Variants in AK9 observed in about 807,000 individuals in gnomAD.
The protein encoded by AK9 is adenylate kinase 9.
A neutral mutation model predicts 239.6 loss-of-function variants in AK9; 191 were observed. The ratio of observed to expected loss-of-function variants is 0.80; its 90% CI spans 0.71 to 0.90. The LOEUF (loss-of-function observed/expected upper bound fraction) is 0.90, where lower values mean the gene tolerates loss of function less well. AK9 is among the 40% of genes least tolerant of loss of function. The pLI is 0.00. For missense variants in AK9, 1,995 were observed against 2,214.7 expected (o/e 0.90, Z 1.99); for synonymous variants, 689 against 721.0 (o/e 0.96, Z 0.71).
At chr6:109,506,869 C>A in intron 33 of AK9, 69 bp from the exon 34 acceptor site, 1 of 1,437,338 alleles carries the variant, frequency 7.0e-7, no homozygotes, top group Non-Finnish European at 9.1e-7. Context: ...TTCTGTCTTC[C>A]AGAACCAGTC....
At chr6:109,519,513 G>C (rs1779615092) in intron 29 of AK9, among the ~76,000 whole-genome samples, 1 of 152,010 alleles carries the variant, frequency 6.6e-6, no homozygotes, top group Admixed American at 6.6e-5. Context: ...AGCCATTCTA[G>C]GTCAGGCATG....
Position 109,633,258 on chromosome 6 carries a change from A to G in AK9, c.999T>C (p.Ser333=). The change falls in exon 11 of 41, where the codon AGT becomes AGC. Residue 333 remains serine (S), a synonymous_variant. Coordinates refer to ENST00000424296, the MANE Select transcript of AK9 (RefSeq NM_001145128.3). The part of the protein sequence containing the change: ...LIAPRYRWQR[S]KWGRTCPVNL... Reference sequence around the variant, plus strand: ...TCACAGGACATGTACGTCCCCATTTACTTCTTTGCCATCTGTATCTTGGTG... The same window carrying G: ...TCACAGGACATGTACGTCCCCATTTGCTTCTTTGCCATCTGTATCTTGGTG... 1 of 1,610,066 alleles carries G rather than the reference A, an allele frequency of 6.2e-7. No homozygotes were observed. Among genetic ancestry groups the G allele is most frequent in the South Asian group, 1.1e-5 (1 of 89,760 alleles).
At chr6:109,646,839 G>A (rs945710484) in intron 8 of AK9, among the ~76,000 whole-genome samples, 1 of 152,214 alleles carries the variant, frequency 6.6e-6, no homozygotes, top group East Asian at 1.9e-4. Flanking sequence ...CAGCCAGAGA[G>A]AAAGGTTGGG....
intron 29 of AK9, 49 bp from the exon 30 acceptor site, chr6:109,516,691 A>G: frequency 7.0e-7 from 1 of 1,422,810 alleles, no homozygotes; most frequent in Non-Finnish European, 9.6e-7. Flanking sequence ...ATATGTAACA[A>G]AAGACACTAT....
intron 27 of AK9, among the ~76,000 whole-genome samples, chr6:109,534,725 T>C (rs573923650): frequency 7.9e-5 from 12 of 152,146 alleles, no homozygotes; most frequent in Non-Finnish European, 1.5e-4. Context: ...TCATTTACAT[T>C]AGGTATATCT....
At chr6:109,532,303 A>G (rs1781379580) in intron 28 of AK9, among the ~76,000 whole-genome samples, 1 of 152,150 alleles carries the variant, frequency 6.6e-6, no homozygotes, top group South Asian at 2.1e-4. Flanking sequence ...TCCTCCTACC[A>G]ATGGTAGTTC....
intron 19 of AK9, among the ~76,000 whole-genome samples, chr6:109,582,443 A>C (rs1788972766): frequency 6.6e-6 from 1 of 152,208 alleles, no homozygotes; most frequent in African/African-American, 2.4e-5. Context: ...TCCAACCCTC[A>C]TGGATTACTT....
intron 17 of AK9, among the ~76,000 whole-genome samples, chr6:109,598,881 A>G (rs1002025603): frequency 6.6e-6 from 1 of 152,148 alleles, no homozygotes; most frequent in African/African-American, 2.4e-5. Context: ...TCGTTTGAGA[A>G]GTGTCTGTTC....
chr6:109,584,356 C>G (rs986670987), intron 19 of AK9, among the ~76,000 whole-genome samples: 1 of 151,928 alleles, frequency 6.6e-6, no homozygotes, highest in Non-Finnish European at 1.5e-5. Context: ...GTGCCATCAT[C>G]AATAGTAGGA....
At chr6:109,616,122 C>A (rs1439265389) in intron 13 of AK9, among the ~76,000 whole-genome samples, 1 of 151,744 alleles carries the variant, frequency 6.6e-6, no homozygotes, top group African/African-American at 2.4e-5. Flanking sequence ...TGCTTACCTA[C>A]ATAATTAGTC....
intron 8 of AK9, among the ~76,000 whole-genome samples, chr6:109,651,218 A>T (rs573832998): frequency 6.6e-6 from 1 of 152,184 alleles, no homozygotes; most frequent in Admixed American, 6.5e-5. Context: ...GTACCCTAAA[A>T]CTTAAAGAAT....
chr6:109,529,299 G>T (rs1193920737), intron 28 of AK9, among the ~76,000 whole-genome samples: 1 of 152,152 alleles, frequency 6.6e-6, no homozygotes, highest in African/African-American at 2.4e-5. Context: ...AGCACTTGGG[G>T]TCAGTTACTC....
intron 24 of AK9, among the ~76,000 whole-genome samples, chr6:109,562,901 T>C (rs1467644452): frequency 1.3e-5 from 2 of 152,082 alleles, no homozygotes; most frequent in Non-Finnish European, 2.9e-5. Flanking sequence ...TGGCAGAGGA[T>C]GGATGATGAA....
intron 24 of AK9, among the ~76,000 whole-genome samples, chr6:109,551,448 G>C (rs929208044): frequency 1.3e-5 from 2 of 151,260 alleles, no homozygotes. Flanking sequence ...GAGTCCGAGA[G>C]GTGGAGGCTG....
intron 21 of AK9, among the ~76,000 whole-genome samples, chr6:109,568,949 G>A (rs1007611800): frequency 6.6e-6 from 1 of 151,918 alleles, no homozygotes; most frequent in African/African-American, 2.4e-5. Context: ...CATATGCAAT[G>A]AAAAAAGAGC....
At chr6:109,538,283 G>T (rs983793187) in intron 27 of AK9, among the ~76,000 whole-genome samples, 1 of 152,134 alleles carries the variant, frequency 6.6e-6, no homozygotes, top group Non-Finnish European at 1.5e-5. Context: ...ATGAATCTGG[G>T]TGCTCCTGTA....
At position 109,509,268 on chromosome 6, in the gene AK9, C is replaced by T. The variant is rs1778434504; in HGVS notation, c.4392G>A (p.Trp1464Ter). 1.3e-6 allele frequency: 2 copies of T among 1,551,918 alleles called. No individual in the cohort carries two copies. Among genetic ancestry groups the T allele is most frequent in the East Asian group, 4.9e-5 (2 of 40,922 alleles). The change falls in exon 33 of 41, where the codon TGG (tryptophan) becomes TGA (stop). Residue 1464 changes from tryptophan to a stop codon, truncating the protein, a stop_gained. Transcript: ENST00000424296. LOFTEE classifies it high-confidence loss of function. ...PETELALMLN[W>*]HLHKGMTAPD... ...GTGCTGTCATTCCTTTATGAAGATG[C>T]CAATTTAACATAAGTGCCAGCTCTG...
At chr6:109,638,367 G>C (rs901440962) in intron 10 of AK9, among the ~76,000 whole-genome samples, 2 of 152,122 alleles carry the variant, frequency 1.3e-5, no homozygotes, top group African/African-American at 4.8e-5. Flanking sequence ...TCCCAGTTAT[G>C]TTGACCCACT....
chr6:109,625,983 T>C (rs1795487083), intron 12 of AK9, among the ~76,000 whole-genome samples: 2 of 152,108 alleles, frequency 1.3e-5, no homozygotes, highest in Non-Finnish European at 1.5e-5. Flanking sequence ...CATTAGACCA[T>C]CTGATTTTCC....
Sources: allele counts gnomAD v4.1 joint callset (sites outside exome capture counted in the v4.1 genomes callset), GRCh38; gene constraint gnomAD v4.1.1; transcripts MANE v1.5; gene names NCBI Gene and HGNC (gene_info 2026-07-23, HGNC 2026-07-21).